Variants in GRK7 observed in about 807,000 individuals in gnomAD.
GRK7 encodes G protein-coupled receptor kinase 7.
Under a neutral mutation model 34.1 loss-of-function variants are expected in GRK7, and 24 were observed. The ratio of observed to expected loss-of-function variants is 0.70; its 90% CI spans 0.51 to 0.99. The LOEUF is 0.99. Ranked by LOEUF, GRK7 falls within the 50% of genes least tolerant of loss-of-function variation. GRK7 has a pLI of 0.00. For missense variants in GRK7, 644 were observed against 707.3 expected, an observed-to-expected ratio of 0.91 and a Z score of 1.02; for synonymous variants, 256 against 279.4, an observed-to-expected ratio of 0.92 and a Z score of 0.84.
At chr3:141,757,148 T>TTTTTTTTTTTTTC in the GRK7 span, among the ~76,000 whole-genome samples, 1 of 115,284 alleles carries the variant, frequency 8.7e-6, no homozygotes, top group Non-Finnish European at 1.8e-5. Flanking sequence ...TTTTTTTTTC[T>TTTTTTTTTTTTTC]TTTTTTTTTT....
chr3:141,762,999 C>T (rs575537842), upstream of GRK7, among the ~76,000 whole-genome samples: 83 of 152,284 alleles, frequency 5.5e-4, no homozygotes, highest in East Asian at 0.013. Context: ...GCCCGGTGCG[C>T]GCACCCACTG....
intron 5 of GRK7, among the ~76,000 whole-genome samples, chr3:141,808,743 C>T (rs1259136505): frequency 6.6e-6 from 1 of 151,758 alleles, no homozygotes; most frequent in Non-Finnish European, 1.5e-5. Context: ...AGTAGAACGG[C>T]AGTTTCCTGG....
chr3:141,795,456 C>T (rs1179496984), intron 4 of GRK7, among the ~76,000 whole-genome samples: 3 of 152,330 alleles, frequency 2.0e-5, no homozygotes, highest in African/African-American at 7.2e-5. Flanking sequence ...GAGGCTCAGT[C>T]GCAGAACAGA....
chr3:141,814,472 C>A (rs776352543), intron 5 of GRK7, among the ~76,000 whole-genome samples: 2 of 152,110 alleles, frequency 1.3e-5, no homozygotes, highest in Non-Finnish European at 2.9e-5. Context: ...TGAAAACATG[C>A]GGTACTTGGT....
At chr3:141,758,816 C>T (rs2084541832), upstream of GRK7, among the ~76,000 whole-genome samples, 1 of 151,322 alleles carries the variant, frequency 6.6e-6, no homozygotes, top group Non-Finnish European at 1.5e-5. Flanking sequence ...TTGTTTGTAT[C>T]CTCTTTTATT....
At chr3:141,793,396 T>C (rs1290481200) in intron 4 of GRK7, among the ~76,000 whole-genome samples, 1 of 152,186 alleles carries the variant, frequency 6.6e-6, no homozygotes, top group Non-Finnish European at 1.5e-5. Flanking sequence ...TGCTGCAGAA[T>C]GGATTGCTGG....
intron 4 of GRK7, among the ~76,000 whole-genome samples, chr3:141,786,066 G>T (rs1355793595): frequency 1.2e-4 from 18 of 152,076 alleles, no homozygotes; most frequent in Admixed American, 1.2e-3. Context: ...ACAGATACCT[G>T]CTTATAGCCC....
chr3:141,767,796 C>G (rs1455339903), intron 1 of GRK7, among the ~76,000 whole-genome samples: 1 of 152,068 alleles, frequency 6.6e-6, no homozygotes, highest in Non-Finnish European at 1.5e-5. Context: ...TCTTTTACCC[C>G]CAAGCTTCTC....
At chr3:141,779,120 ACT>A (rs2084657901) in intron 3 of GRK7, among the ~76,000 whole-genome samples, 1 of 151,966 alleles carries the variant, frequency 6.6e-6, no homozygotes, top group Non-Finnish European at 1.5e-5. Flanking sequence ...CTTGGCCAAG[ACT>A]CTGTCATGGG....
chr3:141,797,450 G>A (rs1307638253), intron 4 of GRK7, among the ~76,000 whole-genome samples: 2 of 152,202 alleles, frequency 1.3e-5, no homozygotes, highest in African/African-American at 2.4e-5. Flanking sequence ...AGCTGGGAAC[G>A]AGAACAAAGC....
intron 2 of GRK7, among the ~76,000 whole-genome samples, chr3:141,777,927 A>G (rs1438756983): frequency 6.6e-6 from 1 of 152,118 alleles, no homozygotes; most frequent in Admixed American, 6.6e-5. Flanking sequence ...TTAGATGACA[A>G]CGGTATGATC....
At position 141,789,656 on chromosome 3, in the gene GRK7, C is replaced by CAAAAAAAAAAAAAAAAAAAAAAAAAA. The variant is rs60765509; in HGVS notation, c.1050+8859_1050+8860insAAAAAAAAAAAAAAAAAAAAAAAAAA. On this transcript the variant is annotated intron_variant, in intron 4 of 5. Coordinates refer to ENST00000682958, the MANE Select transcript of GRK7 (RefSeq NM_139209.3). Reference sequence around the variant, plus strand: ...AGATGGGGACTGGATGCCAAATGGGCAAAAAAAAAAAAAACACAAAACAGT... The same window carrying CAAAAAAAAAAAAAAAAAAAAAAAAAA: ...AGATGGGGACTGGATGCCAAATGGGCAAAAAAAAAAAAAAAAAAAAAAAAAAAAAAAAAAAAAAAACACAAAACAGT... Among the ~76,000 whole-genome samples, 32 of 119,232 alleles carry CAAAAAAAAAAAAAAAAAAAAAAAAAA rather than the reference C, an allele frequency of 2.7e-4. 1 individual carries two copies. The highest frequency in any genetic ancestry group is 6.3e-4 in the African/African-American group (18 of 28,706). The allele number at this position is 119,232 out of a possible 152,430, so 78.2% of individuals were successfully genotyped here.
chr3:141,812,390 A>G (rs1457638648), intron 5 of GRK7, among the ~76,000 whole-genome samples: 1 of 152,238 alleles, frequency 6.6e-6, no homozygotes, highest in African/African-American at 2.4e-5. Context: ...GTAAGAGTGA[A>G]ATAATCAGCC....
At chr3:141,800,426 A>G (rs1710947144) in intron 4 of GRK7, among the ~76,000 whole-genome samples, 1 of 151,334 alleles carries the variant, frequency 6.6e-6, no homozygotes, top group African/African-American at 2.4e-5. Context: ...TGAAAGACAG[A>G]ACCAAAACAA....
At position 141,764,808 on chromosome 3, in the gene GRK7, A is replaced by T. The variant is rs2084572439; in HGVS notation, c.-1145A>T. ...CAAGACTGAGCTCTTGATCTTCCCC[A>T]CACCCTGCTCCTCCAGAGGATTTCC... On this transcript the variant is annotated 5_prime_UTR_variant, in exon 1 of 6. Transcript: ENST00000682958. Among the ~76,000 whole-genome samples, 1 of 152,040 alleles carries T rather than the reference A, an allele frequency of 6.6e-6. No homozygotes were observed. Among genetic ancestry groups the T allele is most frequent in the South Asian group, 2.1e-4 (1 of 4,820 alleles).
upstream of GRK7, among the ~76,000 whole-genome samples, chr3:141,763,252 G>A (rs1469375511): frequency 1.3e-5 from 2 of 152,136 alleles, no homozygotes; most frequent in Admixed American, 1.3e-4. Flanking sequence ...CTGTGTTTCG[G>A]TCAAACAACA....
intron 3 of GRK7, among the ~76,000 whole-genome samples, chr3:141,780,122 T>C (rs957124433): frequency 5.9e-5 from 9 of 152,234 alleles, no homozygotes; most frequent in Non-Finnish European, 7.3e-5. Context: ...CCAGCAATGC[T>C]TAAAGGTTTC....
At chr3:141,814,920 G>GTTTTT (rs33965909) in intron 5 of GRK7, among the ~76,000 whole-genome samples, 11 of 120,380 alleles carry the variant, frequency 9.1e-5, no homozygotes, top group Admixed American at 1.8e-4. Context: ...TTGTTGGTTG[G>GTTTTT]TTTTTTTTTT....
chr3:141,768,658 A>G (rs551414622), intron 1 of GRK7, among the ~76,000 whole-genome samples: 39 of 151,916 alleles, frequency 2.6e-4, no homozygotes, highest in Non-Finnish European at 3.1e-4. Flanking sequence ...GCTCCCCATC[A>G]TATGTCTCTC....
Sources: allele counts gnomAD v4.1 joint callset (sites outside exome capture counted in the v4.1 genomes callset), GRCh38; gene constraint gnomAD v4.1.1; transcripts MANE v1.5; gene names NCBI Gene and HGNC (gene_info 2026-07-23, HGNC 2026-07-21).